The following PHACTR1 variants were observed in gnomAD, a reference collection of about 807,000 sequenced individuals.
PHACTR1 encodes the protein RPEL repeat containing 1.
In PHACTR1, 16 loss-of-function variants were observed where a neutral mutation model predicts 69.2. The ratio of observed to expected loss-of-function variants is 0.23; its 90% CI spans 0.16 to 0.35. PHACTR1 has a LOEUF of 0.35. Among genes scored for constraint, PHACTR1 ranks in the 10% least tolerant of loss-of-function variants. The pLI is 1.00. For missense variants in PHACTR1, 510 were observed against 734.7 expected, an observed-to-expected ratio of 0.69 and a Z score of 3.54; for synonymous variants, 312 against 284.5, an observed-to-expected ratio of 1.10 and a Z score of -0.97.
intron 3 of PHACTR1, among the ~76,000 whole-genome samples, chr6:12,719,205 G>T (rs577884789): frequency 1.3e-5 from 2 of 152,274 alleles, no homozygotes; most frequent in South Asian, 4.1e-4. Flanking sequence ...AAATCTTAGG[G>T]CATCATGACC....
chr6:12,889,862 G>A (rs1027391493), intron 4 of PHACTR1, among the ~76,000 whole-genome samples: 3 of 149,360 alleles, frequency 2.0e-5, no homozygotes, highest in African/African-American at 7.4e-5. Context: ...AGCTATCTGG[G>A]GGCTTGTAAA....
intron 6 of PHACTR1, among the ~76,000 whole-genome samples, chr6:13,172,878 G>A (rs1760807505): frequency 6.6e-6 from 1 of 152,230 alleles, no homozygotes; most frequent in African/African-American, 2.4e-5. Flanking sequence ...AGATTTTCAA[G>A]GTAGTTGGAT....
chr6:12,889,395 T>G (rs1452921150), intron 4 of PHACTR1, among the ~76,000 whole-genome samples: 1 of 152,182 alleles, frequency 6.6e-6, no homozygotes, highest in African/African-American at 2.4e-5. Flanking sequence ...CTCAAAGACA[T>G]AGAATGATTC....
At chr6:13,146,562 C>T (rs1028001811) in intron 5 of PHACTR1, among the ~76,000 whole-genome samples, 9 of 152,122 alleles carry the variant, frequency 5.9e-5, no homozygotes, top group African/African-American at 1.4e-4. Context: ...AAAAGCAAGC[C>T]GCCAAGCAGG....
In PHACTR1 at chr6:12,737,249, C is replaced by A. The variant is rs75455215; in HGVS notation, c.104-12395C>A. On this transcript the variant is annotated intron_variant, in intron 3 of 14. Transcript: ENST00000332995. ...TATTGAATAGCTTAGACAACTGCAG[C>A]ACAATGCTATTTGTGTATCTAAATA... Among the ~76,000 whole-genome samples, 1,197 of 152,152 alleles carry A rather than the reference C, an allele frequency of 7.9e-3. 22 individuals are homozygous for A. The highest frequency in any genetic ancestry group is 0.027 in the African/African-American group (1,108 of 41,498).
intron 4 of PHACTR1, among the ~76,000 whole-genome samples, chr6:12,767,938 T>C (rs141335470): frequency 1.7e-3 from 262 of 152,280 alleles, no homozygotes; most frequent in Middle Eastern, 3.4e-3. Context: ...TAAATATTAT[T>C]GCATAATGGG....
At chr6:12,825,316 CAAAA>C (rs71552719) in intron 4 of PHACTR1, among the ~76,000 whole-genome samples, 2 of 131,282 alleles carry the variant, frequency 1.5e-5, no homozygotes, top group African/African-American at 2.8e-5. Flanking sequence ...CTCTCTCTCT[CAAAA>C]AAAAAAAAAA....
intron 5 of PHACTR1, among the ~76,000 whole-genome samples, chr6:13,108,971 T>A (rs1161644771): frequency 6.6e-6 from 1 of 152,028 alleles, no homozygotes; most frequent in African/African-American, 2.4e-5. Flanking sequence ...GTAGCTCTAT[T>A]CCTTTGTTAT....
In PHACTR1 at chr6:12,986,889, A is replaced by G. The variant is rs115570296; in HGVS notation, c.251-66476A>G. Reference sequence around the variant, plus strand: ...CAAAGGTTTAGAGAAGTGAAAGCCTATGGTTTGCTAAGAAATGCACCTGAA... The same window carrying G: ...CAAAGGTTTAGAGAAGTGAAAGCCTGTGGTTTGCTAAGAAATGCACCTGAA... On this transcript the variant is annotated intron_variant, in intron 4 of 14. Transcript: ENST00000332995. Among the ~76,000 whole-genome samples the G allele has an allele frequency of 4.1e-3, 617 of 152,328 alleles. 3 individuals carry two copies. Among genetic ancestry groups the G allele is most frequent in the African/African-American group, 0.014 (569 of 41,574 alleles).
intron 4 of PHACTR1, among the ~76,000 whole-genome samples, chr6:12,787,378 C>T (rs1771667757): frequency 6.6e-6 from 1 of 152,154 alleles, no homozygotes; most frequent in African/African-American, 2.4e-5. Context: ...AAAAATACTC[C>T]CATAGAAAAA....
intron 4 of PHACTR1, among the ~76,000 whole-genome samples, chr6:12,889,797 CTTT>C (rs4053036): frequency 2.3e-5 from 3 of 132,972 alleles, no homozygotes; most frequent in Non-Finnish European, 3.1e-5. Context: ...CTCCTTCTTC[CTTT>C]TTTTTTTTTT....
At chr6:12,788,811 A>C (rs1771867955) in intron 4 of PHACTR1, among the ~76,000 whole-genome samples, 1 of 152,214 alleles carries the variant, frequency 6.6e-6, no homozygotes, top group Admixed American at 6.5e-5. Flanking sequence ...AGAACCCTAA[A>C]GTAACAAGAG....
rs190194691 is a variant in PHACTR1 at position 12,843,357 on chromosome 6, A to T, written c.250+93567A>T. Among the ~76,000 whole-genome samples, 70 of 152,304 alleles carry T rather than the reference A, an allele frequency of 4.6e-4. No homozygotes were observed. In the South Asian group the frequency reaches 7.9e-3, roughly 17 times the overall value. On this transcript the variant is annotated intron_variant, in intron 4 of 14. Transcript: ENST00000332995. ...TTTTATGACAGCCTAGAAGGAAAAA[A>T]GGAGACACAAATGAGGAGGTCTAGA...
intron 5 of PHACTR1, among the ~76,000 whole-genome samples, chr6:13,129,805 G>A (rs1328205877): frequency 2.0e-5 from 3 of 151,910 alleles, no homozygotes; most frequent in Admixed American, 1.3e-4. Flanking sequence ...AAAATAAGTG[G>A]ACTTAACAGA....
chr6:12,814,326 G>A (rs1210794153), intron 4 of PHACTR1, among the ~76,000 whole-genome samples: 2 of 152,186 alleles, frequency 1.3e-5, no homozygotes, highest in African/African-American at 2.4e-5. Flanking sequence ...ACCGCCTACT[G>A]TGCCTCAATG....
chr6:12,967,833 T>C (rs1369345631), intron 4 of PHACTR1, among the ~76,000 whole-genome samples: 3 of 152,216 alleles, frequency 2.0e-5, no homozygotes, highest in Non-Finnish European at 4.4e-5. Flanking sequence ...GATTCATGTA[T>C]AGTTTAATCA....
chr6:12,931,688 A>T (rs1788891902), intron 4 of PHACTR1, among the ~76,000 whole-genome samples: 1 of 152,002 alleles, frequency 6.6e-6, no homozygotes, highest in Non-Finnish European at 1.5e-5. Context: ...AAGCAGAATC[A>T]CACAAACATT....
At chr6:13,249,947 C>T (rs1349088484) in intron 10 of PHACTR1, among the ~76,000 whole-genome samples, 1 of 152,104 alleles carries the variant, frequency 6.6e-6, no homozygotes, top group Non-Finnish European at 1.5e-5. Context: ...AGTTTTCAGA[C>T]ATTGGTGACA....
At chr6:13,205,541 C>T (rs938702578) in intron 7 of PHACTR1, among the ~76,000 whole-genome samples, 2 of 152,174 alleles carry the variant, frequency 1.3e-5, no homozygotes, top group Admixed American at 6.5e-5. Context: ...CTATCTGGGC[C>T]GCTCCCAAGT....
Sources: allele counts gnomAD v4.1 joint callset (sites outside exome capture counted in the v4.1 genomes callset), GRCh38; gene constraint gnomAD v4.1.1; transcripts MANE v1.5; gene names NCBI Gene and HGNC (gene_info 2026-07-23, HGNC 2026-07-21).